MGARP: variants seen among roughly 807,000 people sequenced by gnomAD.
MGARP encodes mitochondria localized glutamic acid rich protein, also known as protein MGARP.
Under a neutral mutation model 11.0 loss-of-function variants are expected in MGARP, and 12 were observed. The ratio of observed to expected loss-of-function variants is 1.09; its 90% CI spans 0.70 to 1.77. The LOEUF is 1.77. MGARP is among the 40% of genes most tolerant of loss of function. The pLI is 0.00. For missense variants in MGARP, 283 were observed against 297.8 expected (o/e 0.95, Z 0.36); for synonymous variants, 110 against 115.4 (o/e 0.95, Z 0.30).
At position 139,266,636 on chromosome 4, in the gene MGARP, G is replaced by A. The variant is rs757196618; in HGVS notation, c.686C>T (p.Ala229Val). 1.9e-6 allele frequency: 3 copies of A among 1,613,920 alleles called. No homozygotes were observed. Among genetic ancestry groups the A allele is most frequent in the South Asian group, 1.1e-5 (1 of 91,086 alleles). The change falls in exon 4 of 4, where the codon GCC (alanine) becomes GTC (valine). Residue 229 changes from alanine (A) to valine (V), a missense_variant. Ala to Val is a moderately conservative substitution (Grantham distance 64, BLOSUM62 0). Coordinates refer to ENST00000398955, the MANE Select transcript of MGARP (RefSeq NM_032623.4). ...SSAGDDLQEE[A>V]SVGSEAASAQ... ...CGAAGCAGCCTCAGAGCCAACACTG[G>A]CTTCCTCCTGTAAATCATCTCCAGC...
chr4:139,275,488 T>C (rs1744853343), intron 1 of MGARP, 96 bp from the exon 2 acceptor site: 1 of 859,788 alleles, frequency 1.2e-6, no homozygotes, highest in South Asian at 1.6e-5. Context: ...TCAGTGAACC[T>C]AGAATCTATT....
chr4:139,279,089 C>T (rs1057314821), intron 1 of MGARP, among the ~76,000 whole-genome samples: 8 of 152,098 alleles, frequency 5.3e-5, no homozygotes, highest in African/African-American at 1.4e-4. Context: ...CATTAAGAAC[C>T]CTTCACGATA....
intron 1 of MGARP, among the ~76,000 whole-genome samples, chr4:139,279,496 G>A (rs1185123706): frequency 6.6e-6 from 1 of 152,150 alleles, no homozygotes; most frequent in Non-Finnish European, 1.5e-5. Context: ...CTCAGAGCCA[G>A]GCGCTCGCGG....
chr4:139,279,875 G>T (rs1318523100), intron 1 of MGARP, among the ~76,000 whole-genome samples: 1 of 152,210 alleles, frequency 6.6e-6, no homozygotes, highest in East Asian at 1.9e-4. Flanking sequence ...GAGGCACCCT[G>T]GAAAAGTTCC....
rs1406329699 is a variant in MGARP, at chr4:139,266,963, A to G, written c.359T>C (p.Val120Ala). The G allele has an allele frequency of 6.2e-6, 10 of 1,614,024 alleles. No individual in the cohort carries two copies. The highest frequency in any genetic ancestry group is 8.5e-6 in the Non-Finnish European group (10 of 1,180,018). The change falls in exon 4 of 4, where the codon GTA becomes GCA. Residue 120 changes from valine to alanine, a missense_variant. Val to Ala is a moderately conservative substitution (Grantham distance 64, BLOSUM62 0). Transcript: ENST00000398955. ...PEELIVEAEV[V>A]DAEESPSATV... ...AGCACTGGGACTTTCTTCAGCATCT[A>G]CCACCTCAGCTTCCACTATAAGTTC...
At chr4:139,270,317 A>G (rs920534279) in intron 2 of MGARP, among the ~76,000 whole-genome samples, 13 of 150,748 alleles carry the variant, frequency 8.6e-5, no homozygotes, top group African/African-American at 3.2e-4. Context: ...AAAAAAAAGA[A>G]AGAAAGAAAA....
At chr4:139,276,509 T>C (rs1744876203) in intron 1 of MGARP, among the ~76,000 whole-genome samples, 1 of 152,034 alleles carries the variant, frequency 6.6e-6, no homozygotes, top group African/African-American at 2.4e-5. Flanking sequence ...GCATGAGAGA[T>C]TCGTGACCCA....
intron 1 of MGARP, among the ~76,000 whole-genome samples, chr4:139,276,107 A>C (rs1029153205): frequency 6.6e-6 from 1 of 152,208 alleles, no homozygotes; most frequent in Non-Finnish European, 1.5e-5. Context: ...AAATTTTTAC[A>C]ATAAACTTAA....
intron 1 of MGARP, among the ~76,000 whole-genome samples, chr4:139,278,907 G>C (rs903716984): frequency 2.0e-5 from 3 of 152,114 alleles, no homozygotes; most frequent in Admixed American, 2.0e-4. Flanking sequence ...AATAAAGCGA[G>C]TTAGTTAGAC....
chr4:139,272,819 G>A (rs1048161460), intron 2 of MGARP, among the ~76,000 whole-genome samples: 18 of 149,880 alleles, frequency 1.2e-4, no homozygotes, highest in African/African-American at 4.4e-4. Context: ...CAGAGTAGCT[G>A]GGATTACAGG....
intron 2 of MGARP, among the ~76,000 whole-genome samples, chr4:139,269,609 C>T (rs747662103): frequency 3.7e-4 from 49 of 131,362 alleles, no homozygotes; most frequent in African/African-American, 6.9e-4. Context: ...CCACCCTGGG[C>T]GACAGAGCAA....
At chr4:139,273,496 G>A (rs1415086768) in intron 2 of MGARP, among the ~76,000 whole-genome samples, 7 of 146,396 alleles carry the variant, frequency 4.8e-5, no homozygotes, top group East Asian at 2.0e-4. Flanking sequence ...ATGAGCCACC[G>A]CATTACTTTT....
At chr4:139,278,639 C>G (rs895841220) in intron 1 of MGARP, among the ~76,000 whole-genome samples, 10 of 152,018 alleles carry the variant, frequency 6.6e-5, no homozygotes, top group Non-Finnish European at 1.3e-4. Flanking sequence ...CGGTGGGGAA[C>G]GCAGACAGAT....
rs1744936046 is a variant in MGARP at position 139,280,106 on chromosome 4, G to C, written c.53C>G (p.Pro18Arg). The change falls in exon 1 of 4, where the codon CCC becomes CGC. Residue 18 changes from proline (P) to arginine (R), a missense_variant. Pro to Arg is a moderately radical substitution (Grantham distance 103). Transcript: ENST00000398955. ...SKTLALPLRAPPNPAPLGKDA... is the reference protein window; with the variant it reads ...SKTLALPLRARPNPAPLGKDA... The stretch of plus-strand genomic sequence containing the variant: ...CTTTCCGAGCGGCGCGGGGTTGGGG[G>C]GCGCCCTCAGCGGCAGCGCCAGAGT... The C allele has an allele frequency of 6.2e-7, 1 of 1,611,920 alleles. No homozygotes were observed. Among genetic ancestry groups the C allele is most frequent in the South Asian group, 1.1e-5 (1 of 91,066 alleles).
chr4:139,275,426 A>C, intron 1 of MGARP, 34 bp from the exon 2 acceptor site: 1 of 1,529,544 alleles, frequency 6.5e-7, no homozygotes, highest in East Asian at 2.3e-5. Flanking sequence ...AGTTAGCTTC[A>C]CTAGTTGAGC....
In MGARP at chr4:139,280,145, C is replaced by T; in HGVS notation, c.14G>A (p.Arg5Lys). 1 of 1,610,310 alleles carries T rather than the reference C, an allele frequency of 6.2e-7. No individual in the cohort carries two copies. The highest frequency in any genetic ancestry group is 8.5e-7 in the Non-Finnish European group (1 of 1,179,182). Residue 5 changes from arginine (R) to lysine (K), a missense_variant, in exon 1 of 4, where the codon AGG (arginine) becomes AAG (lysine). Physicochemically the swap from Arg to Lys is conservative, Grantham distance 26. Coordinates refer to ENST00000398955, the MANE Select transcript of MGARP (RefSeq NM_032623.4). The part of the protein sequence containing the change: MYLR[R>K]AVSKTLALPL... ...CAGCGCCAGAGTCTTGGAGACCGCC[C>T]TGCGGAGATACATCGCGCCCGCTGT... is the stretch of plus-strand genomic sequence containing the variant.
intron 3 of MGARP, 125 bp from the exon 4 acceptor site, chr4:139,267,166 G>T: frequency 1.1e-6 from 1 of 934,896 alleles, no homozygotes; most frequent in Non-Finnish European, 1.6e-6. Context: ...CTTCAAGGTA[G>T]ACTCTCAAGT....
At chr4:139,276,383 A>G (rs1230355602) in intron 1 of MGARP, among the ~76,000 whole-genome samples, 1 of 152,238 alleles carries the variant, frequency 6.6e-6, no homozygotes, top group Admixed American at 6.5e-5. Flanking sequence ...AGCTACAGGC[A>G]GAGTAAAACT....
chr4:139,267,440 A>C (rs1744714935), intron 3 of MGARP, among the ~76,000 whole-genome samples: 3 of 152,182 alleles, frequency 2.0e-5, no homozygotes, highest in African/African-American at 7.2e-5. Flanking sequence ...ATAAGTAGCT[A>C]TCCTATTCAC....
Sources: allele counts gnomAD v4.1 joint callset (sites outside exome capture counted in the v4.1 genomes callset), GRCh38; gene constraint gnomAD v4.1.1; transcripts MANE v1.5; gene names NCBI Gene and HGNC (gene_info 2026-07-23, HGNC 2026-07-21).